Variants in DNAAF4 observed in about 807,000 individuals in gnomAD.
The protein encoded by DNAAF4 is dynein axonemal assembly factor 4, also known as dynein assembly factor 4, axonemal.
DNAAF4 carries 43 observed loss-of-function variants against 51.8 expected under a neutral mutation model. The observed-to-expected ratio is 0.83, with a 90% CI of 0.65 to 1.07. DNAAF4 has a LOEUF of 1.07. Ranked by LOEUF, DNAAF4 falls within the 50% of genes least tolerant of loss-of-function variation. The probability of loss-of-function intolerance (pLI) is 0.00; values close to 1 mark genes in which losing one functional copy is unlikely to be tolerated. For missense variants in DNAAF4, 581 were observed against 493.0 expected (o/e 1.18, Z -1.69); for synonymous variants, 194 against 165.6 (o/e 1.17, Z -1.32).
chr15:55,478,741 A>G (rs2058369024), intron 4 of DNAAF4, among the ~76,000 whole-genome samples: 1 of 152,194 alleles, frequency 6.6e-6, no homozygotes, highest in African/African-American at 2.4e-5. Context: ...CAATGACAAG[A>G]CAAGCAGTAA....
intron 4 of DNAAF4, among the ~76,000 whole-genome samples, chr15:55,485,067 T>C (rs1013106112): frequency 6.6e-6 from 1 of 152,182 alleles, no homozygotes; most frequent in African/African-American, 2.4e-5. Context: ...CACAGCAGCA[T>C]TATTCACACT....
chr15:55,431,115 G>A (rs567708158), intron 9 of DNAAF4, among the ~76,000 whole-genome samples: 9 of 151,980 alleles, frequency 5.9e-5, no homozygotes, highest in South Asian at 4.2e-4. Context: ...GGGTTTCACC[G>A]TGTTAGCCAG....
intron 4 of DNAAF4, among the ~76,000 whole-genome samples, chr15:55,473,263 G>GTGTGTA (rs2058287308): frequency 2.8e-5 from 3 of 107,180 alleles, no homozygotes; most frequent in East Asian, 2.7e-4. Flanking sequence ...ATATATATGT[G>GTGTGTA]TATATATGTG....
intron 3 of DNAAF4, among the ~76,000 whole-genome samples, chr15:55,495,913 A>G (rs1488575665): frequency 2.6e-5 from 4 of 152,170 alleles, no homozygotes; most frequent in Non-Finnish European, 5.9e-5. Flanking sequence ...TAATAAGACT[A>G]CAGAGAACTA....
chr15:55,483,833 CTTTTTTTTTTTTTTTTTTTTTT>C lies in DNAAF4; in HGVS notation c.405+7268_405+7289del, dbSNP rs71105887. Among the ~76,000 whole-genome samples the C allele has an allele frequency of 2.7e-3, 221 of 82,494 alleles. 8 individuals are homozygous for C. The highest frequency in any genetic ancestry group is 7.7e-3 in the Middle Eastern group (1 of 130). The allele number at this position is 82,494 out of a possible 152,430, so 54.1% of individuals were successfully genotyped here. ...GAGCCATCACACCCAGCCAATAAAG[CTTTTTTTTTTTTTTTTTTTTTT>C]TTTTTTTTTTTTTTTTAAGAGAAAG... is the stretch of plus-strand genomic sequence containing the variant. On this transcript the variant is annotated intron_variant, in intron 4 of 9. Transcript: ENST00000321149.
intron 1 of DNAAF4, among the ~76,000 whole-genome samples, chr15:55,504,997 G>A (rs1039012882): frequency 2.0e-5 from 3 of 152,028 alleles, no homozygotes; most frequent in Non-Finnish European, 2.9e-5. Flanking sequence ...CTACAGAATG[G>A]GAGAAAATTT....
chr15:55,481,193 T>C (rs536963614), intron 4 of DNAAF4, among the ~76,000 whole-genome samples: 32 of 152,268 alleles, frequency 2.1e-4, no homozygotes, highest in African/African-American at 7.7e-4. Flanking sequence ...AATGGACTAA[T>C]ACAGGGACTG....
chr15:55,420,334 T>C (rs193018964), intron 7 of DNAAF4, among the ~76,000 whole-genome samples: 4 of 144,266 alleles, frequency 2.8e-5, no homozygotes, highest in African/African-American at 1.2e-4. Context: ...TTAAAATCTT[T>C]GATTCTACTA....
Position 55,430,782 on chromosome 15 carries a change from G to C in DNAAF4, c.1154-3C>G, listed in dbSNP as rs1595887806. ...TGCCGCTTCATAATCCTGTAGGCCT[G>C]TGTTTATATAGCAATGATGATTAAT... is the stretch of plus-strand genomic sequence containing the variant. On this transcript the variant is annotated splice_region_variant and splice_polypyrimidine_tract_variant and intron_variant, in intron 9 of 9. Coordinates refer to ENST00000321149, the MANE Select transcript of DNAAF4 (RefSeq NM_130810.4). 4 of 1,600,606 alleles carry C rather than the reference G, an allele frequency of 2.5e-6. No homozygotes were observed. The highest frequency in any genetic ancestry group is 3.4e-6 in the Non-Finnish European group (4 of 1,169,140).
chr15:55,429,905 C>A (rs566761049), downstream of DNAAF4, among the ~76,000 whole-genome samples: 2 of 152,056 alleles, frequency 1.3e-5, no homozygotes, highest in African/African-American at 4.8e-5. Flanking sequence ...GTGCTTAACA[C>A]TTGCATAATC....
chr15:55,449,873 A>G (rs2057906534), intron 6 of DNAAF4, among the ~76,000 whole-genome samples: 1 of 151,424 alleles, frequency 6.6e-6, no homozygotes, highest in African/African-American at 2.4e-5. Context: ...TAATTTTTGT[A>G]TTTTTAGTAC....
chr15:55,436,459 C>T (rs1317706803), intron 7 of DNAAF4, among the ~76,000 whole-genome samples: 1 of 152,178 alleles, frequency 6.6e-6, no homozygotes, highest in Non-Finnish European at 1.5e-5. Flanking sequence ...TCTCAGCTCA[C>T]TGCAACCTCT....
At chr15:55,422,902 C>T (rs931857198) in intron 7 of DNAAF4, among the ~76,000 whole-genome samples, 2 of 152,028 alleles carry the variant, frequency 1.3e-5, no homozygotes, top group Admixed American at 1.3e-4. Context: ...GAGGCTGAGG[C>T]AGGAGAATCG....
chr15:55,484,372 C>T (rs2058456108), intron 4 of DNAAF4, among the ~76,000 whole-genome samples: 1 of 151,694 alleles, frequency 6.6e-6, no homozygotes, highest in Non-Finnish European at 1.5e-5. Context: ...GTAGTCCCAG[C>T]TACTGGGGAG....
downstream of DNAAF4, among the ~76,000 whole-genome samples, chr15:55,428,949 C>CG (rs150099721): frequency 1.6e-3 from 245 of 151,322 alleles, 1 homozygote; most frequent in East Asian, 0.044. Context: ...AGGCCAGGCG[C>CG]GGGGGGTCTT....
chr15:55,471,925 C>T (rs898438943), intron 4 of DNAAF4, among the ~76,000 whole-genome samples: 3 of 152,098 alleles, frequency 2.0e-5, no homozygotes, highest in South Asian at 2.1e-4. Context: ...CTGCAACCTC[C>T]GCCTCTCGGG....
chr15:55,437,403 G>A (rs774354908), intron 7 of DNAAF4, among the ~76,000 whole-genome samples: 4 of 151,934 alleles, frequency 2.6e-5, no homozygotes, highest in African/African-American at 4.8e-5. Context: ...CCAGCTAAAC[G>A]CCACAAAACA....
At chr15:55,428,639 C>T (rs996905063), downstream of DNAAF4, among the ~76,000 whole-genome samples, 2 of 150,966 alleles carry the variant, frequency 1.3e-5, no homozygotes, top group Non-Finnish European at 3.0e-5. Flanking sequence ...GGACTACAGG[C>T]GCCTGCCACC....
At position 55,477,510 on chromosome 15, in the gene DNAAF4, A is replaced by G. The variant is rs531895855; in HGVS notation, c.406-10349T>C. ...GAGTAGAAAATGGAGTTATATTAGA[A>G]CAAGTTGCTATATTTTACTGGAACT... On this transcript the variant is annotated intron_variant, in intron 4 of 9. Transcript: ENST00000321149. Among the ~76,000 whole-genome samples, 3 of 152,246 alleles carry G rather than the reference A, an allele frequency of 2.0e-5. No homozygotes were observed. In the South Asian group the frequency reaches 6.2e-4, roughly 32 times the overall value.
Sources: allele counts gnomAD v4.1 joint callset (sites outside exome capture counted in the v4.1 genomes callset), GRCh38; gene constraint gnomAD v4.1.1; transcripts MANE v1.5; gene names NCBI Gene and HGNC (gene_info 2026-07-23, HGNC 2026-07-21).